USF3: variants seen among roughly 807,000 people sequenced by gnomAD.
USF3 encodes the protein upstream transcription factor family member 3, also known as basic helix-loop-helix domain-containing protein USF3.
A neutral mutation model predicts 157.5 loss-of-function variants in USF3; 29 were observed. The observed-to-expected ratio is 0.18, with a 90% CI of 0.14 to 0.25. USF3 has a LOEUF of 0.25. Among genes scored for constraint, USF3 ranks in the 10% least tolerant of loss-of-function variants. The pLI is 1.00. For missense variants in USF3, 2,381 were observed against 2,667.6 expected (o/e 0.89, Z 2.37); for synonymous variants, 893 against 941.4 (o/e 0.95, Z 0.94).
Position 113,655,634 on chromosome 3 carries a change from G to C in USF3, c.6048C>G (p.Leu2016=). ...VFDPSLPHLP[L]STGGSMILGR... ...CAAGAATCATACTGCCACCAGTAGA[G>C]AGAGGAAGATGGGGAAGACTTGGAT... The change falls in exon 7 of 7, where the codon CTC becomes CTG. Residue 2016 remains leucine, a synonymous_variant. Coordinates refer to ENST00000316407, the MANE Select transcript of USF3 (RefSeq NM_001009899.4). 6.2e-7 allele frequency: 1 copy of C among 1,613,970 alleles called. No individual in the cohort carries two copies. The highest frequency in any genetic ancestry group is 8.5e-7 in the Non-Finnish European group (1 of 1,179,828).
At chr3:113,681,103 G>A (rs150617738) in intron 1 of USF3, among the ~76,000 whole-genome samples, 2,187 of 151,944 alleles carry the variant, frequency 0.014, 55 homozygotes, top group African/African-American at 0.05. Context: ...TCAGCCTCCC[G>A]AGTAACTGGG....
rs771869355 is a variant in USF3 at position 113,655,535 on chromosome 3, A to G, written c.6147T>C (p.Asn2049=). ...RFMPDSPQVP[N]DNSGPDQHTL... is the part of the protein sequence containing the mutation. ...TATGCTGGTCAGGACCTGAATTATC[A>G]TTAGGTACTTGTGGGCTATCAGGCA... The change falls in exon 7 of 7, where the codon AAT becomes AAC. Residue 2049 remains asparagine (N), a synonymous_variant. Transcript: ENST00000316407. 2 of 1,614,184 alleles carry G rather than the reference A, an allele frequency of 1.2e-6. No individual in the cohort carries two copies. The highest frequency in any genetic ancestry group is 2.2e-5 in the South Asian group (2 of 91,078).
At chr3:113,692,572 T>C (rs1203277933) in intron 1 of USF3, among the ~76,000 whole-genome samples, 1 of 152,220 alleles carries the variant, frequency 6.6e-6, no homozygotes, top group Non-Finnish European at 1.5e-5. Flanking sequence ...TAATGAATAC[T>C]CCATTGAGTT....
chr3:113,677,010 C>T (rs1317515799), intron 2 of USF3, among the ~76,000 whole-genome samples: 1 of 152,120 alleles, frequency 6.6e-6, no homozygotes, highest in Admixed American at 6.6e-5. Flanking sequence ...TTCAGGTTAA[C>T]TTTAGCCCTA....
In USF3 at chr3:113,659,116, C is replaced by A. The variant is rs745713248; in HGVS notation, c.2566G>T (p.Ala856Ser). Residue 856 changes from alanine (A) to serine (S), a missense_variant, in exon 7 of 7, where the codon GCA becomes TCA. Physicochemically the swap from Ala to Ser is moderately conservative, Grantham distance 99 (BLOSUM62 1). Coordinates refer to ENST00000316407, the MANE Select transcript of USF3 (RefSeq NM_001009899.4). ...AVLPSVSVSQANSVSVSASHS... is the reference protein window; with the variant it reads ...AVLPSVSVSQSNSVSVSASHS... ...GAAGCAGAAACACTCACACTATTTG[C>A]CTGAGACACAGAGACAGATGGTAAC... is the stretch of plus-strand genomic sequence containing the variant. 6.2e-7 allele frequency: 1 copy of A among 1,614,122 alleles called. No individual in the cohort carries two copies. The highest frequency in any genetic ancestry group is 8.5e-7 in the Non-Finnish European group (1 of 1,180,026).
chr3:113,677,811 AAACTT>A (rs1264967115), intron 1 of USF3, among the ~76,000 whole-genome samples: 1 of 152,128 alleles, frequency 6.6e-6, no homozygotes, highest in Non-Finnish European at 1.5e-5. Context: ...GAGTGCCTGA[AAACTT>A]ACATAAGGAC....
chr3:113,680,885 T>A (rs1164448987), intron 1 of USF3, among the ~76,000 whole-genome samples: 1 of 152,212 alleles, frequency 6.6e-6, no homozygotes, highest in Non-Finnish European at 1.5e-5. Context: ...TGATCTTTAC[T>A]TAATCTCTTC....
rs1406395644 is a variant in USF3, at chr3:113,660,810, T to A, written c.872A>T (p.Lys291Ile). 1.2e-6 allele frequency: 2 copies of A among 1,614,162 alleles called. No individual in the cohort carries two copies. Among genetic ancestry groups the A allele is most frequent in the African/African-American group, 2.7e-5 (2 of 75,028 alleles). The stretch of plus-strand genomic sequence containing the variant: ...ACAAGGGGTCATTTTCTTCAATACT[T>A]TGGGGTTCTCTTGTCCATTCTTATT... ...SENKNGQENP[K>I]VLKKMTPCVT... Residue 291 changes from lysine to isoleucine, a missense_variant, in exon 7 of 7, where the codon AAA becomes ATA. Lys to Ile is a moderately radical substitution (Grantham distance 102). Transcript: ENST00000316407.
At chr3:113,670,915 T>C (rs899509734) in intron 4 of USF3, among the ~76,000 whole-genome samples, 4 of 152,042 alleles carry the variant, frequency 2.6e-5, no homozygotes, top group African/African-American at 9.7e-5. Flanking sequence ...CTATTTTTTT[T>C]TGTATTTTTA....
chr3:113,680,053 CTTTTTTTTTTT>C (rs71131103), intron 1 of USF3, among the ~76,000 whole-genome samples: 4 of 58,620 alleles, frequency 6.8e-5, no homozygotes, highest in African/African-American at 1.4e-4. Flanking sequence ...CTGTAGTTTT[CTTTTTTTTTTT>C]TTTTTTTTTT....
In USF3 at chr3:113,659,753, T is replaced by C; in HGVS notation, c.1929A>G (p.Leu643=). 1 of 1,614,260 alleles carries C rather than the reference T, an allele frequency of 6.2e-7. No homozygotes were observed. The highest frequency in any genetic ancestry group is 8.5e-7 in the Non-Finnish European group (1 of 1,180,034). ...LVHILPRPSS[L]SASNSTQTFS... is the part of the protein sequence containing the mutation. Reference sequence around the variant, plus strand: ...AAGTTTGTGTTGAGTTAGACGCTGATAAAGATGAAGGTCTTGGTAATATGT... The same window carrying C: ...AAGTTTGTGTTGAGTTAGACGCTGACAAAGATGAAGGTCTTGGTAATATGT... The change falls in exon 7 of 7, where the codon TTA becomes TTG. Residue 643 remains leucine, a synonymous_variant. Coordinates refer to ENST00000316407, the MANE Select transcript of USF3 (RefSeq NM_001009899.4).
chr3:113,667,212 T>C (rs1222589940), intron 5 of USF3, among the ~76,000 whole-genome samples: 1 of 152,206 alleles, frequency 6.6e-6, no homozygotes, highest in African/African-American at 2.4e-5. Context: ...ATTGTTCTTT[T>C]TAAAAACAAT....
chr3:113,694,364 A>G (rs965455629), intron 1 of USF3, among the ~76,000 whole-genome samples: 1 of 152,240 alleles, frequency 6.6e-6, no homozygotes, highest in South Asian at 2.1e-4. Context: ...AATTTCTCAT[A>G]CATGACTGGT....
In USF3 at chr3:113,659,519, C is replaced by T. The variant is rs1444525371; in HGVS notation, c.2163G>A (p.Met721Ile). Reference protein sequence around the residue: ...LASLNQSISQMAGQSCVQLSI... With the variant: ...LASLNQSISQIAGQSCVQLSI... The stretch of plus-strand genomic sequence containing the variant: ...ACAATTGTACACAGCTTTGCCCAGC[C>T]ATCTGTGATATGCTTTGATTGAGGC... Residue 721 changes from methionine (M) to isoleucine (I), a missense_variant, in exon 7 of 7, where the codon ATG becomes ATA. Met to Ile is a conservative substitution (Grantham distance 10). Transcript: ENST00000316407. 6.2e-7 allele frequency: 1 copy of T among 1,614,186 alleles called. No homozygotes were observed. Among genetic ancestry groups the T allele is most frequent in the South Asian group, 1.1e-5 (1 of 91,080 alleles).
At position 113,657,234 on chromosome 3, in the gene USF3, C is replaced by T. The variant is rs1229657846; in HGVS notation, c.4448G>A (p.Arg1483Lys). ...CATTTGATATAAGTGATGCCTCTCT[C>T]TTAACTGCCCTGCTTGTTGTTGTTG... The part of the protein sequence containing the change: ...QQQQQQAGQL[R>K]ERHHLYQMQH... Residue 1483 changes from arginine to lysine, a missense_variant, in exon 7 of 7, where the codon AGA (arginine) becomes AAA (lysine). This residue lies in a region of USF3 where 50 missense variants were observed against 79.7 expected (regional missense o/e 0.63). Coordinates refer to ENST00000316407, the MANE Select transcript of USF3 (RefSeq NM_001009899.4). 1.2e-6 allele frequency: 2 copies of T among 1,611,376 alleles called. No homozygotes were observed. The highest frequency in any genetic ancestry group is 3.4e-5 in the Admixed American group (2 of 59,474).
chr3:113,656,518 C>T lies in USF3; in HGVS notation c.5164G>A (p.Asp1722Asn). 1 of 1,614,166 alleles carries T rather than the reference C, an allele frequency of 6.2e-7. No homozygotes were observed. The highest frequency in any genetic ancestry group is 8.5e-7 in the Non-Finnish European group (1 of 1,180,030). The change falls in exon 7 of 7, where the codon GAC becomes AAC. Residue 1722 changes from aspartate (D) to asparagine (N), a missense_variant. Physicochemically the swap from Asp to Asn is conservative, Grantham distance 23. Coordinates refer to ENST00000316407, the MANE Select transcript of USF3 (RefSeq NM_001009899.4). ...CGGATATCTGAGGCCACAGTATGGTCCACACGACCCTGCATATTATGAATA... is the reference window on the plus strand; with the variant it reads ...CGGATATCTGAGGCCACAGTATGGTTCACACGACCCTGCATATTATGAATA... ...LAIHNMQGRVDHTVASDIRLS... is the reference protein window; with the variant it reads ...LAIHNMQGRVNHTVASDIRLS...
At chr3:113,694,485 T>C (rs974260627) in intron 1 of USF3, among the ~76,000 whole-genome samples, 1 of 152,218 alleles carries the variant, frequency 6.6e-6, no homozygotes, top group African/African-American at 2.4e-5. Context: ...ATCCCTGCAA[T>C]GCACTCCTTT....
At chr3:113,666,858 GA>G (rs1238382537) in intron 5 of USF3, among the ~76,000 whole-genome samples, 1 of 152,074 alleles carries the variant, frequency 6.6e-6, no homozygotes, top group Non-Finnish European at 1.5e-5. Flanking sequence ...AAAGTGCTGG[GA>G]TTACAGGTGT....
In USF3 at chr3:113,650,124, G is replaced by T; in HGVS notation, c.*4820C>A. 2.2e-6 allele frequency: 1 copy of T among 458,832 alleles called. No homozygotes were observed. Among genetic ancestry groups the T allele is most frequent in the East Asian group, 3.7e-5 (1 of 26,856 alleles). 28.4% of individuals were successfully genotyped at this position (458,832 alleles called of 1,614,324 possible). ...TCCAGGCAAAGGTAGCATTTATATA[G>T]ACAACAAAATTACAAAAATGGCTTC... On this transcript the variant is annotated 3_prime_UTR_variant, in exon 7 of 7. Coordinates refer to ENST00000316407, the MANE Select transcript of USF3 (RefSeq NM_001009899.4).
Sources: allele counts gnomAD v4.1 joint callset (sites outside exome capture counted in the v4.1 genomes callset), GRCh38; gene constraint gnomAD v4.1.1; regional missense constraint gnomAD v4.1.1; transcripts MANE v1.5; gene names NCBI Gene and HGNC (gene_info 2026-07-23, HGNC 2026-07-21).